USP37: variants seen among roughly 807,000 people sequenced by gnomAD.
USP37 encodes ubiquitin carboxyl-terminal hydrolase 37.
In USP37, 27 loss-of-function variants were observed where a neutral mutation model predicts 124.0. That is an observed-to-expected ratio of 0.22 (90% confidence interval 0.16 to 0.30). The LOEUF is 0.30. USP37 is among the 10% of genes least tolerant of loss of function. The probability of loss-of-function intolerance (pLI) is 1.00; values close to 1 mark genes in which losing one functional copy is unlikely to be tolerated. For synonymous variants in USP37, 365 were observed against 388.0 expected (o/e 0.94, Z 0.70); for missense variants, 889 against 1,140.4 (o/e 0.78, Z 3.17).
At chr2:218,495,665 GAA>G in intron 14 of USP37, 93 bp downstream of exon 14, 4 of 1,372,166 alleles carry the variant, frequency 2.9e-6, no homozygotes, top group Non-Finnish European at 3.9e-6. Flanking sequence ...CTTAAAAACA[GAA>G]AAGAATTCAT....
At chr2:218,491,431 A>G in intron 14 of USP37, among the ~76,000 whole-genome samples, 1 of 152,180 alleles carries the variant, frequency 6.6e-6, no homozygotes, top group South Asian at 2.1e-4. Context: ...ATAGAAGAGG[A>G]ACCTGGGCTC....
intron 4 of USP37, 77 bp downstream of exon 4, chr2:218,558,421 T>C: frequency 1.5e-6 from 2 of 1,340,448 alleles, no homozygotes; most frequent in Non-Finnish European, 2.0e-6. Flanking sequence ...GCTACTGTGA[T>C]GTTTACTATG....
intron 16 of USP37, among the ~76,000 whole-genome samples, chr2:218,482,852 G>A (rs1351921791): frequency 6.6e-6 from 1 of 152,142 alleles, no homozygotes; most frequent in African/African-American, 2.4e-5. Context: ...ATTCTTTGTG[G>A]TTAAAATTGT....
At chr2:218,537,541 C>T in intron 8 of USP37, among the ~76,000 whole-genome samples, 1 of 152,194 alleles carries the variant, frequency 6.6e-6, no homozygotes, top group African/African-American at 2.4e-5. Flanking sequence ...CCCAGATAAA[C>T]AGAACCACCC....
chr2:218,544,441 A>AGAGAGAGAGAGAGG (rs1692212226), intron 8 of USP37, among the ~76,000 whole-genome samples: 1 of 141,748 alleles, frequency 7.1e-6, no homozygotes, highest in African/African-American at 2.7e-5. Flanking sequence ...AGAGAGAGAG[A>AGAGAGAGAGAGAGG]GAGAGAGAGA....
intron 11 of USP37, among the ~76,000 whole-genome samples, chr2:218,502,364 A>G (rs1689437604): frequency 6.6e-6 from 1 of 152,208 alleles, no homozygotes; most frequent in African/African-American, 2.4e-5. Flanking sequence ...AGCATATTAG[A>G]CACTGTAGAA....
chr2:218,559,381 A>G (rs1249045193), intron 3 of USP37, among the ~76,000 whole-genome samples: 2 of 152,208 alleles, frequency 1.3e-5, no homozygotes, highest in Non-Finnish European at 2.9e-5. Context: ...CTCCCAAAAC[A>G]TCAAAGTATA....
intron 8 of USP37, 120 bp downstream of exon 8, chr2:218,546,101 G>C (rs1574951040): frequency 1.2e-6 from 1 of 803,860 alleles, no homozygotes; most frequent in East Asian, 2.7e-5. Flanking sequence ...TTTACATTCT[G>C]CTCTTCCATC....
chr2:218,532,765 C>CA (rs1447502970), intron 9 of USP37, among the ~76,000 whole-genome samples: 10 of 151,820 alleles, frequency 6.6e-5, no homozygotes, highest in Non-Finnish European at 1.5e-4. Context: ...CATGTCTCTA[C>CA]AAAAAATACA....
At chr2:218,463,233 T>A in intron 22 of USP37, 73 bp downstream of exon 22, 107 of 871,908 alleles carry the variant, frequency 1.2e-4, no homozygotes, top group Non-Finnish European at 1.5e-4. Flanking sequence ...CACACACACT[T>A]TCTTTATATG....
At chr2:218,496,367 A>G (rs1368032815) in intron 13 of USP37, among the ~76,000 whole-genome samples, 5 of 152,200 alleles carry the variant, frequency 3.3e-5, no homozygotes, top group Non-Finnish European at 7.4e-5. Flanking sequence ...ATTATAATTT[A>G]TACAGTGAAA....
At chr2:218,521,313 T>G (rs1419584038) in intron 10 of USP37, among the ~76,000 whole-genome samples, 1 of 152,198 alleles carries the variant, frequency 6.6e-6, no homozygotes, top group Non-Finnish European at 1.5e-5. Flanking sequence ...ATTCCTTGCC[T>G]TTAGATCTAG....
intron 16 of USP37, among the ~76,000 whole-genome samples, chr2:218,483,147 A>C (rs890328289): frequency 3.9e-5 from 6 of 152,184 alleles, no homozygotes; most frequent in African/African-American, 1.4e-4. Flanking sequence ...ATTTGAGAGA[A>C]TACAAGGACA....
intron 11 of USP37, among the ~76,000 whole-genome samples, chr2:218,507,042 C>T (rs1295209662): frequency 1.3e-5 from 2 of 152,032 alleles, no homozygotes; most frequent in Non-Finnish European, 2.9e-5. Context: ...AAGTGATCCA[C>T]CTGCCTTGGC....
intron 1 of USP37, among the ~76,000 whole-genome samples, chr2:218,566,042 T>TC (rs1402803618): frequency 6.6e-6 from 1 of 151,900 alleles, no homozygotes; most frequent in Non-Finnish European, 1.5e-5. Flanking sequence ...GAGCAAAAAC[T>TC]CCATCTCAAA....
At chr2:218,515,311 A>G (rs1365269263) in intron 10 of USP37, among the ~76,000 whole-genome samples, 1 of 152,204 alleles carries the variant, frequency 6.6e-6, no homozygotes, top group Non-Finnish European at 1.5e-5. Context: ...ACAAGGCTAC[A>G]GTAACCAAAA....
At chr2:218,473,858 C>A (rs13027934) in intron 20 of USP37, among the ~76,000 whole-genome samples, 1 of 152,240 alleles carries the variant, frequency 6.6e-6, no homozygotes, top group African/African-American at 2.4e-5. Context: ...CGTCTTTGTG[C>A]GAACATCTTC....
At chr2:218,477,008 C>G in intron 18 of USP37, 27 bp from the exon 19 acceptor site, 2 of 1,460,132 alleles carry the variant, frequency 1.4e-6, no homozygotes, top group Non-Finnish European at 1.8e-6. Context: ...AAAAAAAAAG[C>G]CTGATAAACA....
At chr2:218,472,495 C>T (rs1690749408) in intron 20 of USP37, among the ~76,000 whole-genome samples, 1 of 151,152 alleles carries the variant, frequency 6.6e-6, no homozygotes, top group Non-Finnish European at 1.5e-5. Flanking sequence ...CAGAGTTTTG[C>T]TCTTGTTGCC....
Sources: gnomAD v4.1 joint callset for allele counts (sites outside exome capture counted in the v4.1 genomes callset) on GRCh38, gnomAD v4.1.1 for gene constraint, MANE v1.5 for transcripts, NCBI Gene and HGNC (gene_info 2026-07-23, HGNC 2026-07-21) for gene names.